XG: variants seen among roughly 807,000 people sequenced by gnomAD.
XG encodes glycoprotein Xg.
In XG, 24 loss-of-function variants were observed where a neutral mutation model predicts 25.7. The ratio of observed to expected loss-of-function variants is 0.93; its 90% CI spans 0.68 to 1.31. XG has a LOEUF of 1.31. XG is among the 40% of genes most tolerant of loss of function. The probability of loss-of-function intolerance (pLI) is 0.00; values close to 1 mark genes in which losing one functional copy is unlikely to be tolerated. For synonymous variants in XG, 77 were observed against 69.2 expected, an observed-to-expected ratio of 1.11 and a Z score of -0.56; for missense variants, 181 against 187.6, an observed-to-expected ratio of 0.96 and a Z score of 0.21.
intron 1 of XG, among the ~76,000 whole-genome samples, chrX:2,756,178 A>G (rs1211331422): frequency 6.6e-6 from 1 of 152,208 alleles, no homozygotes; most frequent in African/African-American, 2.4e-5. Context: ...TAGCAGCCCT[A>G]CATTTCCACT....
chrX:2,801,263 G>A (rs1310476571), intron 7 of XG, among the ~76,000 whole-genome samples: 1 of 110,776 alleles, frequency 9.0e-6, no homozygotes, highest in East Asian at 2.8e-4. Flanking sequence ...ACAGACACAT[G>A]TGGTTGGGTT....
intron 10 of XG, among the ~76,000 whole-genome samples, chrX:2,812,487 A>G (rs1241123474): frequency 9.0e-6 from 1 of 111,239 alleles, no homozygotes; most frequent in Non-Finnish European, 1.9e-5. Context: ...CCTCTAACTC[A>G]TACCTTCTTT....
chrX:2,769,090 C>T (rs1052586273), intron 1 of XG, among the ~76,000 whole-genome samples: 2 of 152,216 alleles, frequency 1.3e-5, no homozygotes, highest in African/African-American at 4.8e-5. Context: ...GGGGATGCGT[C>T]TTCTGCTCCG....
At position 2,752,107 on chromosome X, in the gene XG, A is replaced by C; in HGVS notation, c.-168A>C. 1 of 1,120,814 alleles carries C rather than the reference A, an allele frequency of 8.9e-7. No individual in the cohort carries two copies. The highest frequency in any genetic ancestry group is 2.4e-5 in the East Asian group (1 of 40,948). The allele number at this position is 1,120,814 out of a possible 1,614,324, so 69.4% of individuals were successfully genotyped here. On this transcript the variant is annotated 5_prime_UTR_variant, in exon 1 of 11. Transcript: ENST00000644266. Reference sequence around the variant, plus strand: ...TGTGGAGTTTGGGATCTGAGCTTGGAGCCCATTTGTTTCTGGCAGTTCCGC... The same window carrying C: ...TGTGGAGTTTGGGATCTGAGCTTGGCGCCCATTTGTTTCTGGCAGTTCCGC...
rs1421632593 is a variant in XG at position 2,789,673 on chromosome X, C to T, written c.220C>T (p.Gln74Ter). ...CTACCCAAGGCCAAAGCCACGCCCT[C>T]AACCCCAGCCTGGCAATTCCGGCAA... ...NIYPRPKPRP[Q>*]PQPGNSGNSG... is the part of the protein sequence containing the mutation. The change falls in exon 5 of 11, where the codon CAA becomes TAA. Residue 74 changes from glutamine (Q) to a stop codon, truncating the protein, a stop_gained. Coordinates refer to ENST00000644266, the MANE Select transcript of XG (RefSeq NM_001141919.2). LOFTEE classifies it high-confidence loss of function. 8.6e-7 allele frequency: 1 copy of T among 1,158,682 alleles called. No individual in the cohort carries two copies. The highest frequency in any genetic ancestry group is 1.2e-6 in the Non-Finnish European group (1 of 867,973).
At chrX:2,781,329 G>C (rs2051115623) in intron 3 of XG, among the ~76,000 whole-genome samples, 1 of 151,630 alleles carries the variant, frequency 6.6e-6, no homozygotes, top group Admixed American at 6.6e-5. Context: ...TTGGGGCTTT[G>C]AAGGAACTCT....
chrX:2,790,674 C>T (rs2086829006), intron 5 of XG, among the ~76,000 whole-genome samples: 1 of 110,952 alleles, frequency 9.0e-6, no homozygotes, highest in African/African-American at 3.3e-5. Flanking sequence ...GTGACGCGTG[C>T]CTGTAATCCC....
rs199760006 is a variant in XG at position 2,777,410 on chromosome X, C to CA, written c.127+2679dup. On this transcript the variant is annotated intron_variant, in intron 3 of 10. Coordinates refer to ENST00000644266, the MANE Select transcript of XG (RefSeq NM_001141919.2). Reference sequence around the variant, plus strand: ...GAAGAATGAAGAATAAAATTAAATACAAAAAAAATGAAGAGTAAAATTAAA... The same window carrying CA: ...GAAGAATGAAGAATAAAATTAAATACAAAAAAAAATGAAGAGTAAAATTAAA... Among the ~76,000 whole-genome samples, 18 of 151,444 alleles carry CA rather than the reference C, an allele frequency of 1.2e-4. No homozygotes were observed. The South Asian group carries it at 3.3e-3, about 28-fold the overall frequency.
At chrX:2,813,025 A>G (rs2087072843) in intron 10 of XG, among the ~76,000 whole-genome samples, 1 of 112,112 alleles carries the variant, frequency 8.9e-6, no homozygotes, top group African/African-American at 3.2e-5. Context: ...GAGTTTCTGA[A>G]ATAGGTGTAG....
intron 1 of XG, among the ~76,000 whole-genome samples, chrX:2,760,684 G>A (rs1361311269): frequency 1.7e-4 from 24 of 144,024 alleles, no homozygotes; most frequent in African/African-American, 5.7e-4. Context: ...GCAGTGAGCC[G>A]AGATCGCACT....
intron 3 of XG, among the ~76,000 whole-genome samples, chrX:2,779,821 A>G (rs1276507431): frequency 6.6e-6 from 1 of 151,758 alleles, no homozygotes; most frequent in African/African-American, 2.4e-5. Flanking sequence ...TAATTTTTGT[A>G]TTTTTGGTAG....
intron 3 of XG, among the ~76,000 whole-genome samples, chrX:2,778,321 T>C (rs1322259615): frequency 2.6e-5 from 4 of 152,164 alleles, no homozygotes; most frequent in Non-Finnish European, 5.9e-5. Flanking sequence ...GACTGGCTGA[T>C]TTCTTGAGCC....
intron 3 of XG, among the ~76,000 whole-genome samples, chrX:2,776,740 T>C (rs755154165): frequency 1.6e-4 from 25 of 152,138 alleles, no homozygotes; most frequent in South Asian, 1.4e-3. Context: ...CTCAGCTACT[T>C]GGGAGGCTGA....
chrX:2,760,271 C>A (rs2050534359), intron 1 of XG, among the ~76,000 whole-genome samples: 1 of 152,070 alleles, frequency 6.6e-6, no homozygotes, highest in African/African-American at 2.4e-5. Context: ...ATTCCCAAAC[C>A]CTGGTTATCT....
At chrX:2,766,447 G>C (rs779881294) in intron 1 of XG, among the ~76,000 whole-genome samples, 1 of 148,342 alleles carries the variant, frequency 6.7e-6, no homozygotes, top group South Asian at 2.2e-4. Context: ...CCTCTTCTTG[G>C]CCTCTCTGAA....
At chrX:2,783,025 T>C (rs1293041363) in intron 4 of XG, among the ~76,000 whole-genome samples, 3 of 111,375 alleles carry the variant, frequency 2.7e-5, no homozygotes, top group Non-Finnish European at 5.6e-5. Context: ...TGGTTAGGTC[T>C]GACCTCTTTC....
chrX:2,776,953 G>C (rs1188725357), intron 3 of XG, among the ~76,000 whole-genome samples: 1 of 152,206 alleles, frequency 6.6e-6, no homozygotes. Flanking sequence ...AGGTTGTTCA[G>C]GAAATGTTCA....
intron 2 of XG, among the ~76,000 whole-genome samples, chrX:2,772,862 A>G (rs2050851330): frequency 6.6e-6 from 1 of 152,212 alleles, no homozygotes; most frequent in South Asian, 2.1e-4. Context: ...ATGAATGGGC[A>G]GGCATGTGCC....
intron 3 of XG, among the ~76,000 whole-genome samples, chrX:2,776,997 G>C (rs2051013107): frequency 6.6e-6 from 1 of 152,218 alleles, no homozygotes; most frequent in African/African-American, 2.4e-5. Flanking sequence ...CAGCTAAATT[G>C]CTGTTGGAGA....
Sources: gnomAD v4.1 joint callset for allele counts (sites outside exome capture counted in the v4.1 genomes callset) on GRCh38, gnomAD v4.1.1 for gene constraint, MANE v1.5 for transcripts, NCBI Gene and HGNC (gene_info 2026-07-23, HGNC 2026-07-21) for gene names.